Variants in XDH observed in about 807,000 individuals in gnomAD.
XDH encodes xanthine dehydrogenase/oxidase.
XDH carries 138 observed loss-of-function variants against 156.1 expected under a neutral mutation model. That is an observed-to-expected ratio of 0.88 (90% confidence interval 0.77 to 1.02). XDH has a LOEUF of 1.02. Among genes scored for constraint, XDH ranks in the 50% least tolerant of loss-of-function variants. The pLI, the probability that XDH is intolerant of heterozygous loss-of-function variation, is 0.00. For synonymous variants in XDH, 669 were observed against 625.7 expected (o/e 1.07, Z -1.03); for missense variants, 1,849 against 1,684.9 (o/e 1.10, Z -1.71).
intron 6 of XDH, among the ~76,000 whole-genome samples, chr2:31,392,093 G>C (rs1185851989): frequency 1.3e-5 from 2 of 152,150 alleles, no homozygotes; most frequent in Non-Finnish European, 2.9e-5. Context: ...TATGAGCATA[G>C]AGTTGTTCTT....
In XDH at chr2:31,400,476, C is replaced by T. The variant is rs45609635; in HGVS notation, c.306+744G>A. On this transcript the variant is annotated intron_variant, in intron 4 of 35. Transcript: ENST00000379416. ...GGATAGTCTCGATCTCCCAAAGACCCCAAGTTTCCTCAAACAAAATGCTTT... is the reference window on the plus strand; with the variant it reads ...GGATAGTCTCGATCTCCCAAAGACCTCAAGTTTCCTCAAACAAAATGCTTT... 1.1e-3 allele frequency among the ~76,000 whole-genome samples: 169 copies of T among 152,158 alleles called. 1 individual carries two copies. The East Asian group carries it at 0.03, about 27-fold the overall frequency.
chr2:31,393,366 T>C (rs1572560699), intron 6 of XDH, among the ~76,000 whole-genome samples: 1 of 152,236 alleles, frequency 6.6e-6, no homozygotes. Context: ...TATTGATTCC[T>C]TTATTATTTT....
chr2:31,346,636 C>G, intron 30 of XDH, 133 bp downstream of exon 30: 2 of 1,117,634 alleles, frequency 1.8e-6, no homozygotes, highest in Admixed American at 3.4e-5. Flanking sequence ...TAAAATCACA[C>G]AAACCACCTC....
intron 21 of XDH, 40 bp from the exon 22 acceptor site, chr2:31,366,149 C>T (rs1306485028): frequency 6.2e-7 from 1 of 1,614,218 alleles, no homozygotes; most frequent in South Asian, 1.1e-5. Context: ...GAATGCATTA[C>T]CTGAACTTAT....
At chr2:31,378,581 TG>T (rs1019987059) in intron 13 of XDH, among the ~76,000 whole-genome samples, 2 of 152,182 alleles carry the variant, frequency 1.3e-5, no homozygotes, top group African/African-American at 4.8e-5. Flanking sequence ...TGTGTGGCTC[TG>T]GGGCACTGAG....
Position 31,408,252 on chromosome 2 carries a change from T to A in XDH, c.43-2288A>T, listed in dbSNP as rs938235958. ...TTGACTATGCCATTCCTCTTCCACC[T>A]GCATTTTGACTTATCAGAAGACTTC... On this transcript the variant is annotated intron_variant, in intron 1 of 35. Coordinates refer to ENST00000379416, the MANE Select transcript of XDH (RefSeq NM_000379.4). Among the ~76,000 whole-genome samples the A allele has an allele frequency of 2.5e-4, 38 of 152,228 alleles. 1 individual carries two copies. Among genetic ancestry groups the A allele is most frequent in the Admixed American group, 2.0e-4 (3 of 15,286 alleles).
chr2:31,343,352 T>C (rs1382160411), intron 31 of XDH, among the ~76,000 whole-genome samples: 6 of 97,368 alleles, frequency 6.2e-5, no homozygotes, highest in South Asian at 3.4e-4. Flanking sequence ...ATATATGCCT[T>C]ATACATATAT....
At position 31,380,007 on chromosome 2, in the gene XDH, A is replaced by C. The variant is rs2148779142; in HGVS notation, c.1133-31T>G. On this transcript the variant is annotated intron_variant, in intron 12 of 35. Coordinates refer to ENST00000379416, the MANE Select transcript of XDH (RefSeq NM_000379.4). Reference sequence around the variant, plus strand: ...CAGAAGCAAGATGAAGAGGAGCCAAAGTGAGGGAAAGGCTGGGAACCCCCC... The same window carrying C: ...CAGAAGCAAGATGAAGAGGAGCCAACGTGAGGGAAAGGCTGGGAACCCCCC... 1.9e-6 allele frequency: 3 copies of C among 1,606,884 alleles called. 1 individual carries two copies. Among genetic ancestry groups the C allele is most frequent in the Non-Finnish European group, 2.6e-6 (3 of 1,174,298 alleles).
At chr2:31,366,417 C>T (rs962015535) in intron 21 of XDH, among the ~76,000 whole-genome samples, 5 of 152,130 alleles carry the variant, frequency 3.3e-5, no homozygotes, top group African/African-American at 7.2e-5. Context: ...CACTGGCAAC[C>T]GCTGTCACAT....
intron 33 of XDH, among the ~76,000 whole-genome samples, chr2:31,340,165 T>C (rs929395264): frequency 6.6e-6 from 1 of 152,182 alleles, no homozygotes; most frequent in Admixed American, 6.5e-5. Flanking sequence ...GGCCCACACA[T>C]CTGCTCTCTC....
rs939587760 is a variant in XDH, at chr2:31,342,109, C to T, written c.3519+74G>A. 7.5e-6 allele frequency: 10 copies of T among 1,339,584 alleles called. 1 individual carries two copies. The highest frequency in any genetic ancestry group is 3.4e-5 in the Admixed American group (2 of 58,736). 83.0% of individuals were successfully genotyped at this position (1,339,584 alleles called of 1,614,324 possible). A position where few individuals can be genotyped will look rare whatever the true frequency, so the allele number is the denominator to read the frequency against. On this transcript the variant is annotated intron_variant, in intron 32 of 35. Transcript: ENST00000379416. ...TTCCAACCAGAAATCTTGTCTCTAT[C>T]AGCTCTAGGTATTACAACTCAGTTG...
Position 31,368,603 on chromosome 2 carries a change from G to A in XDH, c.2038C>T (p.Gln680Ter). 6.2e-7 allele frequency: 1 copy of A among 1,614,194 alleles called. No individual in the cohort carries two copies. The highest frequency in any genetic ancestry group is 8.5e-7 in the Non-Finnish European group (1 of 1,180,030). ...ATTTTCACCCCTTGGGCAGCTCTCT[G>A]TGTGTGTTCCGGGGTGTCAGCAACC... ...AVVADTPEHT[Q>*]RAAQGVKITY... The change falls in exon 19 of 36, where the codon CAG becomes TAG. Residue 680 changes from glutamine (Q) to a stop codon, truncating the protein, a stop_gained. Coordinates refer to ENST00000379416, the MANE Select transcript of XDH (RefSeq NM_000379.4). LOFTEE classifies it high-confidence loss of function.
intron 6 of XDH, chr2:31,389,482 G>A (rs906851733): frequency 1.3e-5 from 2 of 152,388 alleles, no homozygotes; most frequent in African/African-American, 4.8e-5. Flanking sequence ...TAGAAAGAAA[G>A]AAAGGAAGAA....
Position 31,337,663 on chromosome 2 carries a change from C to G in XDH, c.3929G>C (p.Cys1310Ser). ...PATPEKIRNA[C>S]VDKFTTLCVT... is the part of the protein sequence containing the mutation. Reference sequence around the variant, plus strand: ...TACCAGGGTGGTGAACTTGTCCACGCAGGCATTGCGGATCTTCTCCGGGGT... The same window carrying G: ...TACCAGGGTGGTGAACTTGTCCACGGAGGCATTGCGGATCTTCTCCGGGGT... The change falls in exon 35 of 36, where the codon TGC becomes TCC. Residue 1310 changes from cysteine to serine, a missense_variant. Transcript: ENST00000379416. 6.2e-7 allele frequency: 1 copy of G among 1,614,200 alleles called. No individual in the cohort carries two copies.
intron 24 of XDH, among the ~76,000 whole-genome samples, chr2:31,357,618 C>A (rs12478123): frequency 6.6e-6 from 1 of 151,720 alleles, no homozygotes; most frequent in Non-Finnish European, 1.5e-5. Context: ...GAATGAGTAA[C>A]ATCTAGCATA....
At chr2:31,388,145 G>T in intron 7 of XDH, 82 bp downstream of exon 7, 1 of 1,503,368 alleles carries the variant, frequency 6.7e-7, no homozygotes, top group South Asian at 1.1e-5. Context: ...AGCCCCCACC[G>T]CCAGGGACAT....
Position 31,379,979 on chromosome 2 carries a change from G to C in XDH, c.1133-3C>G. 1 of 1,613,802 alleles carries C rather than the reference G, an allele frequency of 6.2e-7. No homozygotes were observed. The highest frequency in any genetic ancestry group is 8.5e-7 in the Non-Finnish European group (1 of 1,179,938). ...CATCTGGACAGTTCTCCTGGTGCCT[G>C]TACAGAAGCAAGATGAAGAGGAGCC... is the stretch of plus-strand genomic sequence containing the variant. On this transcript the variant is annotated splice_region_variant and splice_polypyrimidine_tract_variant and intron_variant, in intron 12 of 35. Transcript: ENST00000379416.
intron 22 of XDH, 31 bp downstream of exon 22, chr2:31,365,945 C>G: frequency 6.2e-7 from 1 of 1,614,122 alleles, no homozygotes; most frequent in Non-Finnish European, 8.5e-7. Flanking sequence ...CTTCCCAGAG[C>G]CAGATGGGAG....
chr2:31,386,704 G>C, intron 8 of XDH, 149 bp from the exon 9 acceptor site: 1 of 1,093,788 alleles, frequency 9.1e-7, no homozygotes, highest in Non-Finnish European at 1.3e-6. Context: ...AATATGTTCA[G>C]AGGCAGGAAC....
Sources: gnomAD v4.1 joint callset for allele counts (sites outside exome capture counted in the v4.1 genomes callset) on GRCh38, gnomAD v4.1.1 for gene constraint, MANE v1.5 for transcripts, NCBI Gene and HGNC (gene_info 2026-07-23, HGNC 2026-07-21) for gene names.